The following AGBL4 variants were observed in gnomAD, a reference collection of about 807,000 sequenced individuals.
AGBL4 encodes the protein cytosolic carboxypeptidase 6.
AGBL4 carries 58 observed loss-of-function variants against 66.4 expected under a neutral mutation model. The observed-to-expected ratio is 0.87, with a 90% CI of 0.71 to 1.09. The LOEUF (loss-of-function observed/expected upper bound fraction) is 1.09. Among genes scored for constraint, AGBL4 ranks in the 50% least tolerant of loss-of-function variants. The pLI is 0.00. For missense variants in AGBL4, 579 were observed against 631.0 expected, an observed-to-expected ratio of 0.92 and a Z score of 0.88; for synonymous variants, 234 against 222.9, an observed-to-expected ratio of 1.05 and a Z score of -0.44.
At chr1:48,698,988 T>G (rs1646758591) in intron 6 of AGBL4, among the ~76,000 whole-genome samples, 1 of 152,194 alleles carries the variant, frequency 6.6e-6, no homozygotes, top group African/African-American at 2.4e-5. Flanking sequence ...TTGGTGCTAG[T>G]AGGTTGGGGA....
chr1:49,697,263 C>A (rs1192627274), intron 3 of AGBL4, 50 bp downstream of exon 3: 3 of 1,490,830 alleles, frequency 2.0e-6, no homozygotes, highest in Middle Eastern at 1.7e-4. Context: ...AAGACAAAAG[C>A]ATATTATTCT....
chr1:48,918,070 G>A (rs1159100049), intron 5 of AGBL4, among the ~76,000 whole-genome samples: 1 of 152,164 alleles, frequency 6.6e-6, no homozygotes, highest in African/African-American at 2.4e-5. Flanking sequence ...CAGCAGCCAG[G>A]CCTGGGAGAT....
intron 3 of AGBL4, among the ~76,000 whole-genome samples, chr1:49,326,514 G>C (rs1052957703): frequency 1.3e-5 from 2 of 152,126 alleles, no homozygotes; most frequent in African/African-American, 4.8e-5. Context: ...ATAGTATAAA[G>C]AGAAGGGAAG....
chr1:49,918,275 CA>C (rs1242767187), intron 1 of AGBL4, among the ~76,000 whole-genome samples: 10 of 151,926 alleles, frequency 6.6e-5, no homozygotes, highest in African/African-American at 2.4e-4. Context: ...AAAAAACCTC[CA>C]AAAAATTAAT....
chr1:48,716,850 G>T lies in AGBL4; in HGVS notation c.635-53609C>A, dbSNP rs1647059434. 2.6e-5 allele frequency among the ~76,000 whole-genome samples: 4 copies of T among 152,174 alleles called. No individual in the cohort carries two copies. In the South Asian group the frequency reaches 8.3e-4, roughly 32 times the overall value. On this transcript the variant is annotated intron_variant, in intron 6 of 13. Transcript: ENST00000371839. ...GGGCTGGGGTCAAGAGATGAATTTGGAACTGTCCCTGCCTTCAATAAAAAG... is the reference window on the plus strand; with the variant it reads ...GGGCTGGGGTCAAGAGATGAATTTGTAACTGTCCCTGCCTTCAATAAAAAG...
At chr1:49,718,226 C>T (rs1251418307) in intron 2 of AGBL4, among the ~76,000 whole-genome samples, 1 of 152,014 alleles carries the variant, frequency 6.6e-6, no homozygotes, top group African/African-American at 2.4e-5. Flanking sequence ...AGTGAGTTCT[C>T]ACACAGTTAG....
chr1:49,839,494 A>G (rs1645935147), intron 2 of AGBL4, among the ~76,000 whole-genome samples: 1 of 152,250 alleles, frequency 6.6e-6, no homozygotes, highest in African/African-American at 2.4e-5. Flanking sequence ...AGTAAAAATG[A>G]AATTTCTATC....
chr1:49,096,373 T>A (rs980022599), intron 4 of AGBL4, among the ~76,000 whole-genome samples: 3 of 152,014 alleles, frequency 2.0e-5, no homozygotes, highest in Middle Eastern at 3.2e-3. Flanking sequence ...CATGCTGCTA[T>A]AAAGACACAT....
chr1:50,015,440 T>C lies in AGBL4; in HGVS notation c.34+8323A>G, dbSNP rs142566606. 2.8e-4 allele frequency among the ~76,000 whole-genome samples: 42 copies of C among 152,350 alleles called. 1 individual carries two copies. The highest frequency in any genetic ancestry group is 9.6e-4 in the African/African-American group (40 of 41,582). ...TTCAGTATAGTTTTGAATAAACAAG[T>C]AATTTTAAAAACAAATAAAAATCCT... On this transcript the variant is annotated intron_variant, in intron 1 of 13. Transcript: ENST00000371839.
intron 3 of AGBL4, among the ~76,000 whole-genome samples, chr1:49,385,160 G>C (rs905654697): frequency 6.6e-6 from 1 of 152,104 alleles, no homozygotes; most frequent in African/African-American, 2.4e-5. Context: ...GAGGAAAAAA[G>C]GGGTTGTTCA....
chr1:49,338,271 A>T (rs904504080), intron 3 of AGBL4, among the ~76,000 whole-genome samples: 5 of 152,208 alleles, frequency 3.3e-5, no homozygotes, highest in Admixed American at 6.5e-5. Flanking sequence ...ACACTTTCTC[A>T]TGCTGTTCAT....
chr1:48,677,620 T>A (rs960847217), intron 6 of AGBL4, among the ~76,000 whole-genome samples: 1 of 152,068 alleles, frequency 6.6e-6, no homozygotes, highest in Non-Finnish European at 1.5e-5. Context: ...CTGGCCCCAG[T>A]CCACATGATG....
intron 4 of AGBL4, among the ~76,000 whole-genome samples, chr1:49,133,302 G>C (rs1012999623): frequency 6.6e-6 from 1 of 151,984 alleles, no homozygotes; most frequent in Non-Finnish European, 1.5e-5. Flanking sequence ...TTAAAACCTA[G>C]ATGACAGGTT....
At position 49,359,604 on chromosome 1, in the gene AGBL4, A is replaced by T. The variant is rs545008813; in HGVS notation, c.283-113740T>A. Among the ~76,000 whole-genome samples, 4 of 152,312 alleles carry T rather than the reference A, an allele frequency of 2.6e-5. No individual in the cohort carries two copies. In the East Asian group the frequency reaches 7.7e-4, roughly 30 times the overall value. ...TCCCAGCCAATCAAAAGTTGACCTC[A>T]TGCTCTTCCAGACATCAGTATGTCT... is the stretch of plus-strand genomic sequence containing the variant. On this transcript the variant is annotated intron_variant, in intron 3 of 13. Coordinates refer to ENST00000371839, the MANE Select transcript of AGBL4 (RefSeq NM_032785.4).
At chr1:49,657,338 C>A (rs1303810627) in intron 3 of AGBL4, among the ~76,000 whole-genome samples, 1 of 152,172 alleles carries the variant, frequency 6.6e-6, no homozygotes, top group Non-Finnish European at 1.5e-5. Context: ...CTACAAACCA[C>A]TGCTCAAGGA....
intron 5 of AGBL4, among the ~76,000 whole-genome samples, chr1:48,916,156 T>G (rs765237272): frequency 8.5e-5 from 13 of 152,238 alleles, no homozygotes; most frequent in Non-Finnish European, 1.8e-4. Context: ...GATGAATGAT[T>G]GACTGAAGGC....
rs566093958 is a variant in AGBL4, at chr1:48,876,839, G to C, written c.595-9609C>G. ...TCATGATTATAAATTATTTTGATAT[G>C]TTTTTAATAAGTCACATTTCTTTTT... On this transcript the variant is annotated intron_variant, in intron 5 of 13. Transcript: ENST00000371839. 2.6e-5 allele frequency among the ~76,000 whole-genome samples: 4 copies of C among 152,248 alleles called. No homozygotes were observed. In the South Asian group the frequency reaches 8.3e-4, roughly 32 times the overall value.
intron 11 of AGBL4, among the ~76,000 whole-genome samples, chr1:48,559,699 C>G (rs1181586054): frequency 6.6e-6 from 1 of 152,002 alleles, no homozygotes; most frequent in Non-Finnish European, 1.5e-5. Flanking sequence ...AATTTTAGAC[C>G]CTCGAATGTT....
chr1:49,168,860 T>C (rs1646681034), intron 4 of AGBL4, among the ~76,000 whole-genome samples: 1 of 152,196 alleles, frequency 6.6e-6, no homozygotes, highest in Non-Finnish European at 1.5e-5. Flanking sequence ...CTGTATCCTA[T>C]GATTCACTCT....
Sources: gnomAD v4.1 joint callset for allele counts (sites outside exome capture counted in the v4.1 genomes callset) on GRCh38, gnomAD v4.1.1 for gene constraint, MANE v1.5 for transcripts, NCBI Gene and HGNC (gene_info 2026-07-23, HGNC 2026-07-21) for gene names.